Variants in TAOK1 observed in about 807,000 individuals in gnomAD.
The protein encoded by TAOK1 is serine/threonine-protein kinase TAO1.
A neutral mutation model predicts 138.3 loss-of-function variants in TAOK1; 21 were observed. The observed-to-expected ratio is 0.15, with a 90% CI of 0.11 to 0.22. The LOEUF is 0.22. Ranked by LOEUF, TAOK1 falls within the 10% of genes least tolerant of loss-of-function variation. The pLI is 1.00. For synonymous variants in TAOK1, 361 were observed against 398.4 expected (o/e 0.91, Z 1.12); for missense variants, 651 against 1,227.7 (o/e 0.53, Z 7.02).
Position 29,502,329 on chromosome 17 carries a change from C to T in TAOK1, c.1204-260C>T, listed in dbSNP as rs529870371. On this transcript the variant is annotated intron_variant, in intron 12 of 19. Coordinates refer to ENST00000261716, the MANE Select transcript of TAOK1 (RefSeq NM_020791.4). ...CCTGTAGTTCCAGCTTCTCAGGAGT[C>T]TGAGGTAGGCAGATCGTTTGAGCTT... Among the ~76,000 whole-genome samples, 28 of 152,236 alleles carry T rather than the reference C, an allele frequency of 1.8e-4. No homozygotes were observed. The South Asian group carries it at 1.9e-3, about 10-fold the overall frequency.
chr17:29,440,458 G>C (rs527247543), intron 1 of TAOK1, among the ~76,000 whole-genome samples: 4 of 152,034 alleles, frequency 2.6e-5, no homozygotes, highest in Non-Finnish European at 5.9e-5. Context: ...GAAAAGTAGA[G>C]GTACCATATG....
At chr17:29,448,599 A>G (rs1014754852) in intron 1 of TAOK1, among the ~76,000 whole-genome samples, 8 of 152,110 alleles carry the variant, frequency 5.3e-5, no homozygotes, top group East Asian at 3.9e-4. Context: ...AAGTATTTCA[A>G]TTCCCTAATT....
At chr17:29,413,399 C>T (rs1378455588) in intron 1 of TAOK1, among the ~76,000 whole-genome samples, 1 of 151,996 alleles carries the variant, frequency 6.6e-6, no homozygotes, top group East Asian at 1.9e-4. Context: ...GAGTTCAGAC[C>T]AGCTTGGGCA....
chr17:29,454,382 T>C (rs867327375), intron 2 of TAOK1, among the ~76,000 whole-genome samples: 10 of 152,264 alleles, frequency 6.6e-5, no homozygotes, highest in Middle Eastern at 3.4e-3. Context: ...CTTCTTAAGG[T>C]TTGTTTCAGA....
intron 1 of TAOK1, among the ~76,000 whole-genome samples, chr17:29,436,054 C>T (rs534435507): frequency 6.6e-5 from 10 of 152,250 alleles, no homozygotes; most frequent in East Asian, 5.8e-4. Flanking sequence ...CGGTTGAACC[C>T]GGGAGGCAGA....
intron 18 of TAOK1, among the ~76,000 whole-genome samples, chr17:29,533,004 A>AGGGGGCGGTTG (rs766983857): frequency 7.6e-5 from 5 of 65,396 alleles, no homozygotes; most frequent in African/African-American, 3.0e-4. Flanking sequence ...CCCCACCTCC[A>AGGGGGCGGTTG]ACCGGGCGGG....
intron 12 of TAOK1, among the ~76,000 whole-genome samples, chr17:29,499,229 C>CTTT (rs57906502): frequency 4.1e-5 from 5 of 123,182 alleles, no homozygotes; most frequent in African/African-American, 1.3e-4. Context: ...ATGTTTATAT[C>CTTT]TTTTTTTTTT....
chr17:29,424,253 G>A (rs900937645), intron 1 of TAOK1, among the ~76,000 whole-genome samples: 1 of 151,338 alleles, frequency 6.6e-6, no homozygotes, highest in Non-Finnish European at 1.5e-5. Flanking sequence ...TGGCTAACAC[G>A]GTGAAACCTC....
Position 29,549,807 on chromosome 17 carries a change from A to G in TAOK1, c.*6785A>G, listed in dbSNP as rs1244487084. On this transcript the variant is annotated 3_prime_UTR_variant, in exon 20 of 20. Transcript: ENST00000261716. ...CAGCTCTCTTTTGGTTCCCATTCCA[A>G]ATGTGCTGCTGTCCTTCTTTGCATT... 6.6e-6 allele frequency: 1 copy of G among 152,094 alleles called. No individual in the cohort carries two copies. The highest frequency in any genetic ancestry group is 6.5e-5 in the Admixed American group (1 of 15,268). The allele number at this position is 152,094 out of a possible 1,614,324, so 9.4% of individuals were successfully genotyped here.
intron 1 of TAOK1, among the ~76,000 whole-genome samples, chr17:29,425,637 C>G (rs1176180350): frequency 1.3e-5 from 2 of 152,080 alleles, no homozygotes; most frequent in African/African-American, 4.8e-5. Context: ...GCATTCCAGC[C>G]TGGGTGGTAG....
intron 18 of TAOK1, among the ~76,000 whole-genome samples, chr17:29,533,185 C>T (rs1281986292): frequency 6.8e-6 from 1 of 146,300 alleles, no homozygotes; most frequent in Admixed American, 6.8e-5. Flanking sequence ...GGCAGAGGCG[C>T]TCCTCACATC....
intron 1 of TAOK1, among the ~76,000 whole-genome samples, chr17:29,411,853 C>T (rs1253052491): frequency 2.0e-5 from 3 of 152,084 alleles, no homozygotes; most frequent in East Asian, 1.9e-4. Context: ...AAGGCTCCCT[C>T]GTGTCCCTTC....
In TAOK1 at chr17:29,543,158, T is replaced by C; in HGVS notation, c.*136T>C. 1.3e-6 allele frequency: 1 copy of C among 772,588 alleles called. No homozygotes were observed. Among genetic ancestry groups the C allele is most frequent in the East Asian group, 2.8e-5 (1 of 36,126 alleles). The allele number at this position is 772,588 out of a possible 1,614,324, so 47.9% of individuals were successfully genotyped here. ...GCATATGGTATATTTTATTCATTTT[T>C]GTAAAGCGTTCTGTTTTGTGTTTAC... On this transcript the variant is annotated 3_prime_UTR_variant, in exon 20 of 20. Coordinates refer to ENST00000261716, the MANE Select transcript of TAOK1 (RefSeq NM_020791.4).
intron 8 of TAOK1, 113 bp downstream of exon 8, chr17:29,482,401 G>A (rs1456286696): frequency 3.7e-6 from 3 of 815,394 alleles, no homozygotes; most frequent in Admixed American, 2.7e-5. Flanking sequence ...CTTTATAAGG[G>A]GGGCAATACA....
chr17:29,505,592 C>T (rs924655406), intron 13 of TAOK1, among the ~76,000 whole-genome samples: 1 of 151,744 alleles, frequency 6.6e-6, no homozygotes, highest in African/African-American at 2.4e-5. Flanking sequence ...ATCCCAGCTC[C>T]TCGGGAGGTT....
At chr17:29,405,565 G>A (rs1394892078) in intron 1 of TAOK1, among the ~76,000 whole-genome samples, 3 of 151,830 alleles carry the variant, frequency 2.0e-5, no homozygotes, top group Non-Finnish European at 4.4e-5. Context: ...GATCACCTGA[G>A]GTCAGGAGTT....
At chr17:29,397,783 G>C (rs1904704389) in intron 1 of TAOK1, among the ~76,000 whole-genome samples, 1 of 143,810 alleles carries the variant, frequency 7.0e-6, no homozygotes, top group African/African-American at 2.7e-5. Context: ...GTATATTCGT[G>C]TGTATATATG....
At chr17:29,435,922 A>G (rs1906014843) in intron 1 of TAOK1, among the ~76,000 whole-genome samples, 2 of 152,222 alleles carry the variant, frequency 1.3e-5, no homozygotes, top group African/African-American at 4.8e-5. Flanking sequence ...CGAGGTCAGG[A>G]GTTCGAGACC....
intron 1 of TAOK1, among the ~76,000 whole-genome samples, chr17:29,428,541 A>G (rs948220843): frequency 1.3e-5 from 2 of 152,216 alleles, no homozygotes; most frequent in African/African-American, 4.8e-5. Flanking sequence ...TCTGTTACTT[A>G]GTAGCTATAT....
Sources: allele counts gnomAD v4.1 joint callset (sites outside exome capture counted in the v4.1 genomes callset), GRCh38; gene constraint gnomAD v4.1.1; transcripts MANE v1.5; gene names NCBI Gene and HGNC (gene_info 2026-07-23, HGNC 2026-07-21).